Variants in CDH20 observed in about 807,000 individuals in gnomAD.
CDH20 encodes the protein cadherin-20.
CDH20 carries 29 observed loss-of-function variants against 74.2 expected under a neutral mutation model. That is an observed-to-expected ratio of 0.39 (90% confidence interval 0.29 to 0.53). The LOEUF is 0.53. Among genes scored for constraint, CDH20 ranks in the 20% least tolerant of loss-of-function variants. The pLI is 0.69. For synonymous variants in CDH20, 469 were observed against 405.4 expected, an observed-to-expected ratio of 1.16 and a Z score of -1.88; for missense variants, 988 against 1,048.3, an observed-to-expected ratio of 0.94 and a Z score of 0.79.
Position 61,499,306 on chromosome 18 carries a change from G to C in CDH20, c.367G>C (p.Asp123His). ...AGACATCCACGCCATTCAGAGGCTC[G>C]ACCGAGAGGAAAGAGCCCAGTATAC... ...TGDIHAIQRL[D>H]REERAQYTLR... Residue 123 changes from aspartate (D) to histidine (H), a missense_variant, in exon 3 of 12, where the codon GAC (aspartate) becomes CAC (histidine). Asp to His is a moderately conservative substitution (Grantham distance 81). Transcript: ENST00000262717. 1 of 1,613,878 alleles carries C rather than the reference G, an allele frequency of 6.2e-7. No homozygotes were observed. The highest frequency in any genetic ancestry group is 8.5e-7 in the Non-Finnish European group (1 of 1,179,926).
intron 1 of CDH20, among the ~76,000 whole-genome samples, chr18:61,409,649 A>G (rs1248004639): frequency 6.6e-6 from 1 of 152,242 alleles, no homozygotes; most frequent in Non-Finnish European, 1.5e-5. Context: ...AAAGCTTAAT[A>G]AAGGTTGGCA....
intron 1 of CDH20, among the ~76,000 whole-genome samples, chr18:61,350,294 A>G (rs183563847): frequency 4.2e-4 from 64 of 152,204 alleles, no homozygotes; most frequent in African/African-American, 1.5e-3. Flanking sequence ...TTAAATTTCT[A>G]TAAAAAATTA....
chr18:61,532,596 A>G (rs1041030301), intron 7 of CDH20, among the ~76,000 whole-genome samples: 5 of 151,856 alleles, frequency 3.3e-5, no homozygotes, highest in Admixed American at 2.6e-4. Context: ...AAAGCTTTAC[A>G]TCAATATTTA....
intron 1 of CDH20, among the ~76,000 whole-genome samples, chr18:61,366,783 C>A (rs1424754648): frequency 1.3e-5 from 2 of 152,078 alleles, no homozygotes; most frequent in African/African-American, 2.4e-5. Context: ...TCATTTCCAA[C>A]AGTGAAACAA....
chr18:61,410,298 CT>C (rs1332032107), intron 1 of CDH20, among the ~76,000 whole-genome samples: 1 of 152,148 alleles, frequency 6.6e-6, no homozygotes, highest in Non-Finnish European at 1.5e-5. Flanking sequence ...AAGAGCTCAT[CT>C]ATCCTAGTAA....
intron 7 of CDH20, among the ~76,000 whole-genome samples, chr18:61,533,949 T>C (rs1200521851): frequency 6.6e-6 from 1 of 152,220 alleles, no homozygotes; most frequent in Non-Finnish European, 1.5e-5. Context: ...CATGAGTTTT[T>C]TTCTCAGCTC....
chr18:61,491,999 C>A (rs1792466725), intron 2 of CDH20, among the ~76,000 whole-genome samples: 6 of 152,058 alleles, frequency 3.9e-5, no homozygotes, highest in Admixed American at 3.9e-4. Context: ...GGACTCGCCA[C>A]CTCTGCAGTT....
chr18:61,410,392 T>C (rs1912456308), intron 1 of CDH20, among the ~76,000 whole-genome samples: 2 of 152,228 alleles, frequency 1.3e-5, no homozygotes, highest in African/African-American at 4.8e-5. Flanking sequence ...ACATATTAAA[T>C]ACATATGTAC....
Position 61,520,659 on chromosome 18 carries a change from C to T in CDH20, c.1018-7308C>T, listed in dbSNP as rs1293401792. ...TACATTCTTCTCAGCACGACATCAC[C>T]AATCTAAAATTGACCACATAATTGG... On this transcript the variant is annotated intron_variant, in intron 6 of 11. Coordinates refer to ENST00000262717, the MANE Select transcript of CDH20 (RefSeq NM_031891.4). Among the ~76,000 whole-genome samples the T allele has an allele frequency of 2.7e-5, 4 of 150,076 alleles. 1 individual carries two copies. The highest frequency in any genetic ancestry group is 9.9e-5 in the African/African-American group (4 of 40,334).
At chr18:61,432,175 C>T (rs371926454) in intron 1 of CDH20, among the ~76,000 whole-genome samples, 3 of 145,620 alleles carry the variant, frequency 2.1e-5, no homozygotes, top group East Asian at 2.1e-4. Context: ...TTCTGGGAAA[C>T]GGAGGTTGCA....
Position 61,489,805 on chromosome 18 carries a change from A to G in CDH20, c.-152-597A>G, listed in dbSNP as rs3826646. On this transcript the variant is annotated intron_variant, in intron 1 of 11. Transcript: ENST00000262717. ...TCGGAGCCAAAACAGTAGAGTGTGA[A>G]ACTTGAAATCCACTGTGAGCTCAGA... Among the ~76,000 whole-genome samples the G allele has an allele frequency of 2.0e-4, 30 of 152,204 alleles. No individual in the cohort carries two copies. In the East Asian group the frequency reaches 4.8e-3, roughly 25 times the overall value.
chr18:61,398,800 C>G (rs1240666182), intron 1 of CDH20, among the ~76,000 whole-genome samples: 1 of 151,912 alleles, frequency 6.6e-6, no homozygotes, highest in Non-Finnish European at 1.5e-5. Flanking sequence ...GAAGCATGGC[C>G]CAGTAAGAAA....
chr18:61,398,883 A>T (rs1158888125), intron 1 of CDH20, among the ~76,000 whole-genome samples: 1 of 152,184 alleles, frequency 6.6e-6, no homozygotes, highest in Non-Finnish European at 1.5e-5. Context: ...TCTGGCCTAT[A>T]TCAGTATGTT....
intron 1 of CDH20, among the ~76,000 whole-genome samples, chr18:61,415,393 G>A (rs539098838): frequency 2.7e-4 from 41 of 152,270 alleles, no homozygotes; most frequent in South Asian, 8.3e-4. Context: ...TGGAGCACAG[G>A]CATTGTAAAG....
At chr18:61,502,679 C>T (rs1911425113) in intron 4 of CDH20, among the ~76,000 whole-genome samples, 1 of 152,188 alleles carries the variant, frequency 6.6e-6, no homozygotes, top group Non-Finnish European at 1.5e-5. Context: ...GTAAGAGAAA[C>T]ATTGCTGCCA....
Position 61,499,477 on chromosome 18 carries a change from G to T in CDH20, c.538G>T (p.Val180Leu). 1.3e-6 allele frequency: 2 copies of T among 1,597,620 alleles called. No homozygotes were observed. Among genetic ancestry groups the T allele is most frequent in the Non-Finnish European group, 8.5e-7 (1 of 1,170,968 alleles). ...GGCCACTGTGCCAGAAATGTCCCCT[G>T]TGGGTAAGGTGGTGACTCGCTGATT... is the stretch of plus-strand genomic sequence containing the variant. ...YVATVPEMSPVGTSVIQVTAT... is the reference protein window; with the variant it reads ...YVATVPEMSPLGTSVIQVTAT... The change falls in exon 3 of 12, where the codon GTG becomes TTG. Residue 180 changes from valine to leucine, a missense_variant. By Grantham distance (32) the Val-to-Leu change is conservative. Coordinates refer to ENST00000262717, the MANE Select transcript of CDH20 (RefSeq NM_031891.4).
At chr18:61,429,683 CT>C (rs1441345583) in intron 1 of CDH20, among the ~76,000 whole-genome samples, 1 of 152,198 alleles carries the variant, frequency 6.6e-6, no homozygotes, top group Non-Finnish European at 1.5e-5. Flanking sequence ...CTCGTCTCCC[CT>C]GATTCTAACA....
At chr18:61,341,443 G>T (rs773904314) in intron 1 of CDH20, among the ~76,000 whole-genome samples, 2 of 151,130 alleles carry the variant, frequency 1.3e-5, no homozygotes, top group African/African-American at 4.9e-5. Flanking sequence ...GCCTAATGCC[G>T]TTCCATTGTG....
chr18:61,554,099 C>T (rs1457376045), intron 11 of CDH20, 91 bp from the exon 12 acceptor site: 10 of 1,476,784 alleles, frequency 6.8e-6, no homozygotes, highest in Admixed American at 1.9e-5. Context: ...GTAGCCCTTC[C>T]CCTATCCGTG....
Sources: gnomAD v4.1 joint callset for allele counts (sites outside exome capture counted in the v4.1 genomes callset) on GRCh38, gnomAD v4.1.1 for gene constraint, MANE v1.5 for transcripts, NCBI Gene and HGNC (gene_info 2026-07-23, HGNC 2026-07-21) for gene names.